Variants in GGT5 observed in about 807,000 individuals in gnomAD.
The protein encoded by GGT5 is glutathione hydrolase 5 proenzyme.
GGT5 carries 50 observed loss-of-function variants against 58.1 expected under a neutral mutation model. That is an observed-to-expected ratio of 0.86 (90% CI 0.69 to 1.09). GGT5 has a LOEUF of 1.09. Ranked by LOEUF, GGT5 falls within the 50% of genes least tolerant of loss-of-function variation. The pLI, the probability that GGT5 is intolerant of heterozygous loss-of-function variation, is 0.00. For synonymous variants in GGT5, 370 were observed against 346.1 expected, an observed-to-expected ratio of 1.07 and a Z score of -0.77; for missense variants, 800 against 789.4, an observed-to-expected ratio of 1.01 and a Z score of -0.16.
chr22:24,225,503 T>TG (rs745862633), intron 9 of GGT5, 43 bp downstream of exon 9: 15 of 1,574,724 alleles, frequency 9.5e-6, no homozygotes, highest in South Asian at 2.2e-5. Flanking sequence ...TCTCCCCTGG[T>TG]GGGGGGCCCT....
chr22:24,228,297 T>C lies in GGT5; in HGVS notation c.902-1530A>G, dbSNP rs547676606. On this transcript the variant is annotated intron_variant, in intron 6 of 11. Coordinates refer to ENST00000327365, the MANE Select transcript of GGT5 (RefSeq NM_004121.5). ...CCAGGTGACAGAGCAAGACCCTGCC[T>C]CAAAAACACAACAGCTCACAACCTT... Among the ~76,000 whole-genome samples the C allele has an allele frequency of 3.9e-5, 6 of 151,992 alleles. No individual in the cohort carries two copies. The East Asian group carries it at 1.2e-3, about 30-fold the overall frequency.
chr22:24,222,803 C>T (rs188546779), intron 11 of GGT5, among the ~76,000 whole-genome samples: 70 of 151,966 alleles, frequency 4.6e-4, no homozygotes, highest in East Asian at 2.1e-3. Context: ...AGGGGCCGGG[C>T]GCGGTGGCTC....
intron 6 of GGT5, among the ~76,000 whole-genome samples, chr22:24,229,995 G>A (rs537334686): frequency 6.8e-4 from 104 of 152,098 alleles, no homozygotes; most frequent in Admixed American, 1.1e-3. Context: ...CACTTTGGGA[G>A]GCTGAGGCAA....
chr22:24,233,891 A>C lies in GGT5; in HGVS notation c.287T>G (p.Ile96Ser), dbSNP rs757553753. The part of the protein sequence containing the change: ...MGLGGGVIFT[I>S]YNVTTGKVEV... ...GGGCCCACCTGTTGTCACATTGTAG[A>C]TGGTGAAGATGACCCCTCCGCCCAG... The change falls in exon 2 of 12, where the codon ATC becomes AGC. Residue 96 changes from isoleucine to serine, a missense_variant. Transcript: ENST00000327365. 1.2e-6 allele frequency: 2 copies of C among 1,613,700 alleles called. No individual in the cohort carries two copies. Among genetic ancestry groups the C allele is most frequent in the Non-Finnish European group, 8.5e-7 (1 of 1,179,670 alleles).
At position 24,240,717 on chromosome 22, in the gene GGT5, T is replaced by C. The variant is rs547232681; in HGVS notation, c.173+3836A>G. On this transcript the variant is annotated intron_variant, in intron 1 of 11. Coordinates refer to ENST00000327365, the MANE Select transcript of GGT5 (RefSeq NM_004121.5). ...CATGTTGCCCAGGCTGGTCTTGAAC[T>C]CCTGGGCTTCAGCGACCCACTCACC... Among the ~76,000 whole-genome samples, 5 of 152,264 alleles carry C rather than the reference T, an allele frequency of 3.3e-5. No individual in the cohort carries two copies. In the South Asian group the frequency reaches 1.0e-3, roughly 32 times the overall value.
At chr22:24,240,562 C>T (rs549438555) in intron 1 of GGT5, among the ~76,000 whole-genome samples, 2 of 151,680 alleles carry the variant, frequency 1.3e-5, no homozygotes, top group South Asian at 2.1e-4. Context: ...GATCTTGGCT[C>T]ACAGCAATCT....
chr22:24,220,416 T>C, intron 11 of GGT5: 2 of 541,758 alleles, frequency 3.7e-6, no homozygotes, highest in Non-Finnish European at 7.0e-6. Flanking sequence ...GGTGCAAATC[T>C]GAGTTCAGGG....
intron 8 of GGT5, among the ~76,000 whole-genome samples, 192 bp downstream of exon 8, chr22:24,225,883 CG>C (rs2047745036): frequency 6.6e-6 from 1 of 152,084 alleles, no homozygotes; most frequent in South Asian, 2.1e-4. Context: ...AATCTTGGGT[CG>C]GGGCCACCCC....
chr22:24,240,307 T>C (rs1027703806), intron 1 of GGT5, among the ~76,000 whole-genome samples: 1 of 152,100 alleles, frequency 6.6e-6, no homozygotes, highest in Non-Finnish European at 1.5e-5. Flanking sequence ...AGAATAGGCA[T>C]GGAAAACAAG....
At position 24,237,809 on chromosome 22, in the gene GGT5, C is replaced by T. The variant is rs191253523; in HGVS notation, c.174-3805G>A. ...AAAGCTCATGAGAAAGCACAGACAA[C>T]TTTTAAAAAGGTCCATAGGATCTCC... On this transcript the variant is annotated intron_variant, in intron 1 of 11. Transcript: ENST00000327365. Among the ~76,000 whole-genome samples the T allele has an allele frequency of 7.3e-3, 1,106 of 152,266 alleles. 6 individuals are homozygous for T. The highest frequency in any genetic ancestry group is 0.013 in the South Asian group (61 of 4,820).
chr22:24,241,062 C>G (rs2048312468), intron 1 of GGT5: 1 of 148,558 alleles, frequency 6.7e-6, no homozygotes, highest in Non-Finnish European at 1.5e-5. Flanking sequence ...GAGGCTGAGG[C>G]AGGAGAATCG....
rs967668382 is a variant in GGT5, at chr22:24,219,808, C to T, written c.*162G>A. The T allele has an allele frequency of 3.0e-6, 2 of 655,946 alleles. No individual in the cohort carries two copies. The highest frequency in any genetic ancestry group is 5.2e-6 in the Non-Finnish European group (2 of 385,014). The allele number at this position is 655,946 out of a possible 1,614,324, so 40.6% of individuals were successfully genotyped here. A position where few individuals can be genotyped will look rare whatever the true frequency, so the allele number is the denominator to read the frequency against. On this transcript the variant is annotated 3_prime_UTR_variant, in exon 12 of 12. Transcript: ENST00000327365. ...AAAGGGGGTTAGGGATGAGGCTCAG[C>T]CTCTCATCTGCCCAGCTGGTCCCCG... is the stretch of plus-strand genomic sequence containing the variant.
chr22:24,230,763 T>C (rs753812749), intron 6 of GGT5, among the ~76,000 whole-genome samples: 6 of 152,142 alleles, frequency 3.9e-5, no homozygotes, highest in Non-Finnish European at 8.8e-5. Flanking sequence ...CAAACATCAT[T>C]TTCTTTGAGA....
At chr22:24,221,034 A>G (rs2047574458) in intron 11 of GGT5, among the ~76,000 whole-genome samples, 1 of 149,586 alleles carries the variant, frequency 6.7e-6, no homozygotes, top group Non-Finnish European at 1.5e-5. Flanking sequence ...TGGGCAAAAC[A>G]GCAAGACTGA....
intron 1 of GGT5, among the ~76,000 whole-genome samples, chr22:24,239,088 C>T (rs1179671681): frequency 6.9e-6 from 1 of 145,626 alleles, no homozygotes; most frequent in Non-Finnish European, 1.5e-5. Flanking sequence ...GCCTGTAATC[C>T]CAGCACTTTG....
intron 1 of GGT5, chr22:24,244,047 C>T (rs891338059): frequency 6.3e-5 from 10 of 158,846 alleles, no homozygotes; most frequent in African/African-American, 2.4e-4. Context: ...CTGAAGGGGC[C>T]TGCACCGGCC....
chr22:24,233,786 C>T (rs1225167696), intron 2 of GGT5, 88 bp downstream of exon 2: 9 of 1,336,916 alleles, frequency 6.7e-6, no homozygotes, highest in South Asian at 2.5e-5. Flanking sequence ...CAGAAACGGG[C>T]TTGAGTTGAT....
chr22:24,242,945 CCT>C (rs745703402), intron 1 of GGT5: 1 of 152,232 alleles, frequency 6.6e-6, no homozygotes, highest in Non-Finnish European at 1.5e-5. Context: ...CAAACCACAT[CCT>C]CTCTCTTCAA....
chr22:24,225,722 C>T lies in GGT5; in HGVS notation c.1230-70G>A, dbSNP rs972045743. The T allele has an allele frequency of 8.2e-5, 74 of 900,872 alleles. 1 individual carries two copies. The highest frequency in any genetic ancestry group is 8.1e-4 in the South Asian group (59 of 72,874). 55.8% of individuals were successfully genotyped at this position (900,872 alleles called of 1,614,324 possible). A position where few individuals can be genotyped will look rare whatever the true frequency, so the allele number is the denominator to read the frequency against. Reference sequence around the variant, plus strand: ...CCCACCAGACACCACTTACCCTGCACGCTTTGCAGGACCCCCTCGTTTTAC... The same window carrying T: ...CCCACCAGACACCACTTACCCTGCATGCTTTGCAGGACCCCCTCGTTTTAC... On this transcript the variant is annotated intron_variant, in intron 8 of 11. Coordinates refer to ENST00000327365, the MANE Select transcript of GGT5 (RefSeq NM_004121.5).
Sources: allele counts gnomAD v4.1 joint callset (sites outside exome capture counted in the v4.1 genomes callset), GRCh38; gene constraint gnomAD v4.1.1; transcripts MANE v1.5; gene names NCBI Gene and HGNC (gene_info 2026-07-23, HGNC 2026-07-21).